The following MECOM variants were observed in gnomAD, a reference collection of about 807,000 sequenced individuals.
MECOM encodes the protein MDS1 and EVI1 complex locus, also known as histone-lysine N-methyltransferase MECOM.
A neutral mutation model predicts 116.3 loss-of-function variants in MECOM; 13 were observed. The observed-to-expected ratio is 0.11, with a 90% CI of 0.07 to 0.18. The LOEUF (loss-of-function observed/expected upper bound fraction) is 0.18, where lower values mean the gene tolerates loss of function less well. MECOM is among the 10% of genes least tolerant of loss of function. MECOM has a pLI of 1.00. For synonymous variants in MECOM, 528 were observed against 535.2 expected, an observed-to-expected ratio of 0.99 and a Z score of 0.19; for missense variants, 1,299 against 1,509.0, an observed-to-expected ratio of 0.86 and a Z score of 2.31.
chr3:169,098,663 A>C (rs1006032566), intron 12 of MECOM, among the ~76,000 whole-genome samples: 1 of 152,034 alleles, frequency 6.6e-6, no homozygotes, highest in African/African-American at 2.4e-5. Flanking sequence ...TCCTCTTTAA[A>C]CTTTCACTCA....
chr3:169,294,912 G>C (rs527545087), intron 2 of MECOM, among the ~76,000 whole-genome samples: 2 of 151,962 alleles, frequency 1.3e-5, no homozygotes, highest in Non-Finnish European at 2.9e-5. Context: ...CATCACATTT[G>C]ATCCGGATCC....
chr3:169,291,680 T>C (rs532211677), intron 2 of MECOM, among the ~76,000 whole-genome samples: 17 of 152,206 alleles, frequency 1.1e-4, no homozygotes, highest in Non-Finnish European at 2.2e-4. Context: ...TTATTGAAAG[T>C]GGGCTCTATT....
intron 1 of MECOM, among the ~76,000 whole-genome samples, chr3:169,474,331 GC>G (rs1441023354): frequency 6.6e-6 from 1 of 152,112 alleles, no homozygotes; most frequent in Non-Finnish European, 1.5e-5. Flanking sequence ...ACTAGAAAAA[GC>G]CACTTACCCA....
Position 169,099,402 on chromosome 3 carries a change from C to T in MECOM, c.2849+1483G>A, listed in dbSNP as rs1722824360. On this transcript the variant is annotated intron_variant, in intron 12 of 16. Transcript: ENST00000651503. Reference sequence around the variant, plus strand: ...TCTCAAAAGGGGAAATCATCTAAAACTTCCCAGTATTACATCTCTCTGAGA... The same window carrying T: ...TCTCAAAAGGGGAAATCATCTAAAATTTCCCAGTATTACATCTCTCTGAGA... Among the ~76,000 whole-genome samples the T allele has an allele frequency of 4.6e-5, 7 of 152,238 alleles. No individual in the cohort carries two copies. The South Asian group carries it at 1.5e-3, about 32-fold the overall frequency.
intron 3 of MECOM, among the ~76,000 whole-genome samples, chr3:169,136,333 T>C (rs1243379862): frequency 6.6e-6 from 1 of 151,492 alleles, no homozygotes; most frequent in Non-Finnish European, 1.5e-5. Flanking sequence ...AGTAATCTCA[T>C]GTATATAATT....
intron 1 of MECOM, among the ~76,000 whole-genome samples, chr3:169,446,694 C>T (rs1405740798): frequency 1.3e-5 from 2 of 152,180 alleles, no homozygotes. Flanking sequence ...CCCACACCTG[C>T]ACCCACTGTG....
chr3:169,433,158 A>G (rs1741924754), intron 1 of MECOM, among the ~76,000 whole-genome samples: 1 of 152,162 alleles, frequency 6.6e-6, no homozygotes, highest in Non-Finnish European at 1.5e-5. Flanking sequence ...ATTAGAACCA[A>G]TGTTGTCATG....
intron 2 of MECOM, 149 bp from the exon 3 acceptor site, chr3:169,143,981 T>A: frequency 3.5e-6 from 3 of 854,490 alleles, no homozygotes; most frequent in Non-Finnish European, 3.3e-6. Flanking sequence ...AGAGGGGAAA[T>A]GAGAAGTTAC....
intron 7 of MECOM, among the ~76,000 whole-genome samples, chr3:169,119,354 C>A (rs546075215): frequency 6.6e-6 from 1 of 152,296 alleles, no homozygotes; most frequent in Admixed American, 6.5e-5. Flanking sequence ...GGTTCTCTGG[C>A]AGATTTTAAA....
At chr3:169,252,043 T>C (rs1756306563) in intron 2 of MECOM, among the ~76,000 whole-genome samples, 1 of 152,108 alleles carries the variant, frequency 6.6e-6, no homozygotes, top group Non-Finnish European at 1.5e-5. Context: ...TGATCAGAGG[T>C]GGATAGAAGG....
chr3:169,392,193 G>T (rs1270063662), intron 1 of MECOM, among the ~76,000 whole-genome samples: 1 of 152,114 alleles, frequency 6.6e-6, no homozygotes. Context: ...ACCAGCTAGT[G>T]CCAGTAAACT....
chr3:169,418,469 T>A (rs1441090479), intron 1 of MECOM, among the ~76,000 whole-genome samples: 1 of 151,982 alleles, frequency 6.6e-6, no homozygotes, highest in East Asian at 1.9e-4. Flanking sequence ...CAGGCCAATA[T>A]CCCGGATGAA....
chr3:169,481,703 C>T (rs1751314622), intron 1 of MECOM, among the ~76,000 whole-genome samples: 1 of 151,908 alleles, frequency 6.6e-6, no homozygotes, highest in Admixed American at 6.6e-5. Context: ...ACACACTTCA[C>T]TAGCTTGTTG....
At chr3:169,536,112 C>T (rs1759315787) in intron 1 of MECOM, among the ~76,000 whole-genome samples, 3 of 152,098 alleles carry the variant, frequency 2.0e-5, no homozygotes. Flanking sequence ...CACCACTGAA[C>T]CTTGTTCTGT....
intron 2 of MECOM, chr3:169,147,304 C>G: frequency 1.0e-6 from 1 of 985,590 alleles, no homozygotes. Flanking sequence ...TCCGCAGCGC[C>G]TTCGCGGGTC....
intron 2 of MECOM, among the ~76,000 whole-genome samples, chr3:169,302,228 G>T (rs984585164): frequency 2.0e-5 from 3 of 152,178 alleles, no homozygotes; most frequent in Admixed American, 2.0e-4. Context: ...ATCAAGTCCT[G>T]TTAGAAATGT....
chr3:169,601,887 C>A (rs1767876293), intron 1 of MECOM, among the ~76,000 whole-genome samples: 1 of 152,144 alleles, frequency 6.6e-6, no homozygotes, highest in South Asian at 2.1e-4. Flanking sequence ...TTGACAAGGG[C>A]AACTTTTCCA....
At chr3:169,348,811 C>T (rs1311455984) in intron 2 of MECOM, among the ~76,000 whole-genome samples, 1 of 151,906 alleles carries the variant, frequency 6.6e-6, no homozygotes, top group Non-Finnish European at 1.5e-5. Context: ...TTATGAAGAA[C>T]AGAACAAATG....
chr3:169,384,202 T>A (rs1469419511), intron 1 of MECOM, among the ~76,000 whole-genome samples: 1 of 152,186 alleles, frequency 6.6e-6, no homozygotes, highest in East Asian at 1.9e-4. Context: ...ATATAATTAA[T>A]CTAACATATA....
Sources: allele counts gnomAD v4.1 joint callset (sites outside exome capture counted in the v4.1 genomes callset), GRCh38; gene constraint gnomAD v4.1.1; transcripts MANE v1.5; gene names NCBI Gene and HGNC (gene_info 2026-07-23, HGNC 2026-07-21).